NBEA: variants seen among roughly 807,000 people sequenced by gnomAD.
The protein encoded by NBEA is lysosomal-trafficking regulator 2.
NBEA carries 44 observed loss-of-function variants against 343.4 expected under a neutral mutation model. That is an observed-to-expected ratio of 0.13 (90% CI 0.10 to 0.16). NBEA has a LOEUF of 0.16. Among genes scored for constraint, NBEA ranks in the 10% least tolerant of loss-of-function variants. The pLI, the probability that NBEA is intolerant of heterozygous loss-of-function variation, is 1.00. For missense variants in NBEA, 2,555 were observed against 3,631.3 expected (o/e 0.70, Z 7.62); for synonymous variants, 1,175 against 1,238.7 (o/e 0.95, Z 1.08).
intron 1 of NBEA, among the ~76,000 whole-genome samples, chr13:34,997,501 A>T (rs1278933178): frequency 6.6e-6 from 1 of 152,192 alleles, no homozygotes; most frequent in Non-Finnish European, 1.5e-5. Context: ...AAACTCTTAC[A>T]TGTAAATGTA....
chr13:35,563,166 GA>G (rs2079963644), intron 44 of NBEA, among the ~76,000 whole-genome samples: 1 of 148,680 alleles, frequency 6.7e-6, no homozygotes, highest in Non-Finnish European at 1.5e-5. Flanking sequence ...TAGATAGATA[GA>G]TAGATAGATA....
intron 28 of NBEA, chr13:35,179,899 T>G (rs2071194725): frequency 3.5e-6 from 2 of 573,184 alleles, no homozygotes; most frequent in African/African-American, 2.0e-5. Flanking sequence ...GTATCATCAT[T>G]GTAGTGCAAG....
chr13:35,627,360 CG>C (rs2083273778), intron 48 of NBEA, among the ~76,000 whole-genome samples: 1 of 152,126 alleles, frequency 6.6e-6, no homozygotes, highest in Admixed American at 6.5e-5. Flanking sequence ...ACTTATTTCA[CG>C]GACCTGAGCA....
At chr13:35,479,620 T>A (rs1008498920) in intron 41 of NBEA, among the ~76,000 whole-genome samples, 2 of 152,152 alleles carry the variant, frequency 1.3e-5, no homozygotes, top group East Asian at 1.9e-4. Context: ...CAGTGAATTT[T>A]AAAAAAATAT....
chr13:35,098,243 T>A, intron 10 of NBEA, 54 bp from the exon 11 acceptor site: 1 of 1,248,938 alleles, frequency 8.0e-7, no homozygotes, highest in Non-Finnish European at 1.1e-6. Flanking sequence ...AGTGGGACAC[T>A]GTTTATAATA....
At chr13:35,005,339 G>GC (rs1440403665) in intron 1 of NBEA, among the ~76,000 whole-genome samples, 1 of 151,892 alleles carries the variant, frequency 6.6e-6, no homozygotes, top group African/African-American at 2.4e-5. Flanking sequence ...CCTTCTCTGT[G>GC]ATGCAAACTC....
chr13:35,233,697 T>C (rs1267109070), intron 34 of NBEA, among the ~76,000 whole-genome samples: 2 of 152,106 alleles, frequency 1.3e-5, no homozygotes, highest in African/African-American at 2.4e-5. Context: ...TTTTGATATA[T>C]TAGTAAACAG....
intron 38 of NBEA, among the ~76,000 whole-genome samples, chr13:35,426,400 C>G (rs541440133): frequency 6.6e-6 from 1 of 152,122 alleles, no homozygotes; most frequent in Non-Finnish European, 1.5e-5. Flanking sequence ...TTCTCCTTCA[C>G]TTATGAAGCT....
intron 34 of NBEA, among the ~76,000 whole-genome samples, chr13:35,246,941 G>C (rs1352962895): frequency 6.6e-6 from 1 of 152,152 alleles, no homozygotes; most frequent in Non-Finnish European, 1.5e-5. Context: ...TCTGAGCTCA[G>C]ACTCTCCTTG....
At chr13:35,271,590 G>A (rs1304142924) in intron 34 of NBEA, among the ~76,000 whole-genome samples, 3 of 152,118 alleles carry the variant, frequency 2.0e-5, no homozygotes, top group East Asian at 1.9e-4. Flanking sequence ...CCCATTGCAA[G>A]GAAGCTAAAA....
intron 13 of NBEA, among the ~76,000 whole-genome samples, chr13:35,112,755 A>C (rs1287735481): frequency 1.3e-5 from 2 of 152,122 alleles, no homozygotes; most frequent in Admixed American, 6.5e-5. Flanking sequence ...CTCTCTTTTT[A>C]TGTATATATA....
At chr13:35,554,694 A>C (rs920905088) in intron 43 of NBEA, among the ~76,000 whole-genome samples, 2 of 152,112 alleles carry the variant, frequency 1.3e-5, no homozygotes, top group Non-Finnish European at 1.5e-5. Context: ...ATTTATCTTA[A>C]GTATAGTTTT....
At chr13:35,431,307 T>A (rs1009677220) in intron 38 of NBEA, among the ~76,000 whole-genome samples, 13 of 152,108 alleles carry the variant, frequency 8.5e-5, no homozygotes, top group Admixed American at 5.9e-4. Context: ...TATATGTTTT[T>A]ATGAATAGTG....
intron 36 of NBEA, among the ~76,000 whole-genome samples, chr13:35,345,093 C>T (rs1326816870): frequency 6.6e-6 from 1 of 151,932 alleles, no homozygotes; most frequent in Non-Finnish European, 1.5e-5. Flanking sequence ...AGGAGTTGTT[C>T]ATCATTTTAA....
intron 51 of NBEA, among the ~76,000 whole-genome samples, chr13:35,646,999 G>T (rs1404899967): frequency 5.3e-5 from 8 of 152,172 alleles, no homozygotes; most frequent in African/African-American, 1.9e-4. Context: ...ACCAGCACCT[G>T]TCATACAATA....
intron 17 of NBEA, among the ~76,000 whole-genome samples, chr13:35,136,470 A>T (rs1397250269): frequency 6.6e-6 from 1 of 152,250 alleles, no homozygotes; most frequent in African/African-American, 2.4e-5. Flanking sequence ...AATGAGATAT[A>T]GTCCCTTAAG....
chr13:35,118,309 CTTTTA>C lies in NBEA; in HGVS notation c.2145+25_2145+29del. On this transcript the variant is annotated intron_variant, in intron 15 of 58. Coordinates refer to ENST00000379939, the MANE Select transcript of NBEA (RefSeq NM_001385012.1). ...GCATGAGGTAGGACATGTTATGGGC[CTTTTA>C]TTTTAATTATTTAAGCCAATCTTTA... 1.9e-6 allele frequency: 3 copies of C among 1,563,204 alleles called. No homozygotes were observed. The highest frequency in any genetic ancestry group is 1.2e-5 in the South Asian group (1 of 84,442).
In NBEA at chr13:35,482,480, G is replaced by A. The variant is rs191488876; in HGVS notation, c.6585+9944G>A. ...AGCACACTTTTTCATATAATGATTT[G>A]TCAAAAATATCAATTCTAAAGTAAT... is the stretch of plus-strand genomic sequence containing the variant. On this transcript the variant is annotated intron_variant, in intron 41 of 58. Coordinates refer to ENST00000379939, the MANE Select transcript of NBEA (RefSeq NM_001385012.1). 1.2e-3 allele frequency among the ~76,000 whole-genome samples: 183 copies of A among 150,738 alleles called. 4 individuals carry two copies. The East Asian group carries it at 0.027, about 22-fold the overall frequency.
intron 1 of NBEA, among the ~76,000 whole-genome samples, chr13:35,008,265 C>G (rs2061376554): frequency 6.6e-6 from 1 of 152,116 alleles, no homozygotes; most frequent in Non-Finnish European, 1.5e-5. Context: ...ACAATTTTCC[C>G]TTCGTATCCT....
Sources: allele counts gnomAD v4.1 joint callset (sites outside exome capture counted in the v4.1 genomes callset), GRCh38; gene constraint gnomAD v4.1.1; transcripts MANE v1.5; gene names NCBI Gene and HGNC (gene_info 2026-07-23, HGNC 2026-07-21).